NBAS: variants seen among roughly 807,000 people sequenced by gnomAD.
The protein encoded by NBAS is NBAS subunit of NRZ tethering complex.
A neutral mutation model predicts 302.5 loss-of-function variants in NBAS; 219 were observed. That is an observed-to-expected ratio of 0.72 (90% CI 0.65 to 0.81). The LOEUF (loss-of-function observed/expected upper bound fraction) is 0.81. Among genes scored for constraint, NBAS ranks in the 30% least tolerant of loss-of-function variants. The probability of loss-of-function intolerance (pLI) is 0.00; values close to 1 mark genes in which losing one functional copy is unlikely to be tolerated. For synonymous variants in NBAS, 1,118 were observed against 1,021.6 expected (o/e 1.09, Z -1.80); for missense variants, 2,932 against 2,841.6 (o/e 1.03, Z -0.72).
chr2:14,903,743 G>A, the NBAS span, among the ~76,000 whole-genome samples: 1 of 152,134 alleles, frequency 6.6e-6, no homozygotes, highest in Non-Finnish European at 1.5e-5. Flanking sequence ...GGTTTCAAAG[G>A]AATCGGGGAG....
the NBAS span, among the ~76,000 whole-genome samples, chr2:14,781,501 G>A: frequency 6.6e-6 from 1 of 151,938 alleles, no homozygotes; most frequent in Non-Finnish European, 1.5e-5. Flanking sequence ...AATACAGCAT[G>A]GCAGGTTCTG....
chr2:15,179,324 A>G, intron 50 of NBAS: 1 of 645,746 alleles, frequency 1.5e-6, no homozygotes, highest in African/African-American at 1.8e-5. Flanking sequence ...TTTCCAAGCT[A>G]TCAGATATTC....
intron 21 of NBAS, among the ~76,000 whole-genome samples, chr2:15,450,056 C>G (rs1344997866): frequency 6.6e-6 from 1 of 152,088 alleles, no homozygotes; most frequent in African/African-American, 2.4e-5. Flanking sequence ...ATCATCCAGC[C>G]TACAGTTAAG....
intron 44 of NBAS, among the ~76,000 whole-genome samples, chr2:15,266,388 T>A (rs1309567073): frequency 6.6e-6 from 1 of 152,122 alleles, no homozygotes; most frequent in Non-Finnish European, 1.5e-5. Flanking sequence ...GTAATCTTAC[T>A]ACATTTTTCT....
chr2:15,197,365 C>T (rs1443242419), intron 48 of NBAS, among the ~76,000 whole-genome samples: 3 of 152,174 alleles, frequency 2.0e-5, no homozygotes, highest in African/African-American at 4.8e-5. Flanking sequence ...CCTATGTAAC[C>T]TGGTGCAAAC....
intron 46 of NBAS, among the ~76,000 whole-genome samples, chr2:15,233,129 C>T (rs1349247922): frequency 2.0e-5 from 3 of 152,074 alleles, no homozygotes; most frequent in Non-Finnish European, 2.9e-5. Context: ...TTTGTTATTT[C>T]GTGCCTACTA....
chr2:15,406,417 T>C (rs1676419750), intron 25 of NBAS, among the ~76,000 whole-genome samples: 1 of 151,932 alleles, frequency 6.6e-6, no homozygotes, highest in Non-Finnish European at 1.5e-5. Context: ...AAGAATAAAC[T>C]CCAAATAAAT....
the NBAS span, among the ~76,000 whole-genome samples, chr2:15,135,447 C>T: frequency 6.6e-6 from 1 of 152,120 alleles, no homozygotes; most frequent in South Asian, 2.1e-4. Context: ...AGGCAGTGAG[C>T]GGGCACCCGT....
chr2:15,278,493 T>C (rs1470069395), intron 42 of NBAS, among the ~76,000 whole-genome samples: 1 of 152,186 alleles, frequency 6.6e-6, no homozygotes. Context: ...CAGACCTTAT[T>C]ACATCATCTT....
At chr2:15,523,071 A>G (rs1662753635) in intron 9 of NBAS, among the ~76,000 whole-genome samples, 1 of 152,180 alleles carries the variant, frequency 6.6e-6, no homozygotes, top group Non-Finnish European at 1.5e-5. Flanking sequence ...CGAGCAATTC[A>G]ACTTTTTCTT....
chr2:15,282,527 G>A (rs770303102), intron 42 of NBAS, among the ~76,000 whole-genome samples: 14 of 152,130 alleles, frequency 9.2e-5, no homozygotes, highest in Non-Finnish European at 1.3e-4. Context: ...CTGGAAAACA[G>A]CACAGCACAT....
the NBAS span, among the ~76,000 whole-genome samples, chr2:15,127,589 C>T: frequency 3.9e-5 from 6 of 152,194 alleles, no homozygotes; most frequent in African/African-American, 1.4e-4. Flanking sequence ...AAGGATTCCT[C>T]GATATTAAGG....
chr2:14,919,172 G>T, the NBAS span, among the ~76,000 whole-genome samples: 1 of 151,922 alleles, frequency 6.6e-6, no homozygotes, highest in Admixed American at 6.6e-5. Context: ...AAATATTCAG[G>T]GCTCAGTTCC....
At chr2:15,314,123 G>A (rs1671400291) in intron 38 of NBAS, among the ~76,000 whole-genome samples, 1 of 152,156 alleles carries the variant, frequency 6.6e-6, no homozygotes, top group South Asian at 2.1e-4. Flanking sequence ...GGAGGCCGAG[G>A]CAGGTGGATC....
chr2:15,295,335 G>A (rs953158334), intron 40 of NBAS, among the ~76,000 whole-genome samples: 26 of 152,108 alleles, frequency 1.7e-4, no homozygotes, highest in African/African-American at 3.1e-4. Flanking sequence ...TACAATCTTC[G>A]CATGTGACAA....
intron 44 of NBAS, among the ~76,000 whole-genome samples, chr2:15,264,398 A>C (rs1668981899): frequency 6.6e-6 from 1 of 152,182 alleles, no homozygotes; most frequent in Non-Finnish European, 1.5e-5. Context: ...ATCCCACCAG[A>C]GTCCTCTCCA....
the NBAS span, among the ~76,000 whole-genome samples, chr2:14,797,094 C>CA: frequency 0.077 from 6,945 of 90,762 alleles, 250 homozygotes; most frequent in African/African-American, 0.093. Context: ...GACTCCGTCT[C>CA]AAAAAAAAAA....
the NBAS span, among the ~76,000 whole-genome samples, chr2:14,792,106 C>A: frequency 1.3e-5 from 2 of 152,114 alleles, no homozygotes; most frequent in African/African-American, 2.4e-5. Context: ...CAGCAGGAAC[C>A]AGGTGAGCCT....
chr2:15,089,879 C>T, the NBAS span, among the ~76,000 whole-genome samples: 1 of 151,212 alleles, frequency 6.6e-6, no homozygotes, highest in African/African-American at 2.4e-5. Flanking sequence ...CTCCTGAGTA[C>T]CTGAGATTAC....
Sources: gnomAD v4.1 joint callset for allele counts (sites outside exome capture counted in the v4.1 genomes callset) on GRCh38, gnomAD v4.1.1 for gene constraint, MANE v1.5 for transcripts, NCBI Gene and HGNC (gene_info 2026-07-23, HGNC 2026-07-21) for gene names.